The following NKAIN2 variants were observed in gnomAD, a reference collection of about 807,000 sequenced individuals.
NKAIN2 encodes sodium/potassium-transporting ATPase subunit beta-1-interacting protein 2.
A neutral mutation model predicts 32.6 loss-of-function variants in NKAIN2; 14 were observed. The observed-to-expected ratio is 0.43, with a 90% CI of 0.28 to 0.67. NKAIN2 has a LOEUF of 0.67. NKAIN2 is among the 30% of genes least tolerant of loss of function. The pLI, the probability that NKAIN2 is intolerant of heterozygous loss-of-function variation, is 0.17. For missense variants in NKAIN2, 198 were observed against 258.3 expected (o/e 0.77, Z 1.60); for synonymous variants, 80 against 87.2 (o/e 0.92, Z 0.46).
At chr6:124,467,627 C>A (rs1776814486) in intron 3 of NKAIN2, among the ~76,000 whole-genome samples, 1 of 152,056 alleles carries the variant, frequency 6.6e-6, no homozygotes, top group Non-Finnish European at 1.5e-5. Flanking sequence ...AATGATCATT[C>A]ATCGAAAGTT....
chr6:124,405,746 G>C (rs1223436715), intron 3 of NKAIN2, among the ~76,000 whole-genome samples: 1 of 151,836 alleles, frequency 6.6e-6, no homozygotes, highest in Non-Finnish European at 1.5e-5. Context: ...GAAAGAGTGT[G>C]ATATCCCCCC....
intron 1 of NKAIN2, among the ~76,000 whole-genome samples, chr6:123,985,537 T>C (rs1039224264): frequency 1.3e-5 from 2 of 152,188 alleles, no homozygotes; most frequent in Non-Finnish European, 2.9e-5. Context: ...AAACACAATA[T>C]ATATGCAATT....
intron 1 of NKAIN2, among the ~76,000 whole-genome samples, chr6:123,811,813 C>A (rs927280894): frequency 2.6e-5 from 4 of 151,892 alleles, no homozygotes; most frequent in Admixed American, 2.6e-4. Flanking sequence ...TTTTTTTCTT[C>A]ACCCACCCAT....
intron 3 of NKAIN2, among the ~76,000 whole-genome samples, chr6:124,643,179 C>A (rs887991659): frequency 1.3e-5 from 2 of 152,110 alleles, no homozygotes; most frequent in Admixed American, 1.3e-4. Context: ...GATCAAAAAC[C>A]TTTCAATAAG....
intron 1 of NKAIN2, among the ~76,000 whole-genome samples, chr6:124,233,700 T>G (rs1465896219): frequency 6.6e-6 from 1 of 152,196 alleles, no homozygotes; most frequent in African/African-American, 2.4e-5. Context: ...CTTTGTAATA[T>G]GTGACTCATT....
At chr6:124,332,825 A>G (rs1797718780) in intron 2 of NKAIN2, among the ~76,000 whole-genome samples, 1 of 152,218 alleles carries the variant, frequency 6.6e-6, no homozygotes, top group Non-Finnish European at 1.5e-5. Flanking sequence ...TTATATGAGA[A>G]AAGTATACTT....
intron 4 of NKAIN2, among the ~76,000 whole-genome samples, chr6:124,704,305 T>C (rs966565711): frequency 2.6e-5 from 4 of 151,952 alleles, no homozygotes; most frequent in African/African-American, 9.6e-5. Flanking sequence ...CAAAAGACTA[T>C]AGAAAGAAGA....
chr6:123,915,472 A>G (rs1029757622), intron 1 of NKAIN2, among the ~76,000 whole-genome samples: 3 of 152,050 alleles, frequency 2.0e-5, no homozygotes, highest in East Asian at 1.9e-4. Context: ...TCTAACTTTG[A>G]TATTGCCTAT....
intron 1 of NKAIN2, among the ~76,000 whole-genome samples, chr6:124,092,839 C>A (rs2114931518): frequency 6.6e-6 from 1 of 152,128 alleles, no homozygotes; most frequent in South Asian, 2.1e-4. Flanking sequence ...TAGGGCTGAT[C>A]TCAGTAGATA....
intron 3 of NKAIN2, among the ~76,000 whole-genome samples, chr6:124,509,514 C>T (rs1266010203): frequency 3.3e-5 from 5 of 152,128 alleles, no homozygotes; most frequent in Non-Finnish European, 5.9e-5. Context: ...GCTAGTTAGA[C>T]GTCTTTATTT....
chr6:124,118,802 G>A (rs1249002967), intron 1 of NKAIN2, among the ~76,000 whole-genome samples: 4 of 152,072 alleles, frequency 2.6e-5, no homozygotes, highest in East Asian at 3.9e-4. Context: ...TGTACAGGCC[G>A]GAGTAAATAT....
chr6:123,810,426 A>T (rs1318407327), intron 1 of NKAIN2, among the ~76,000 whole-genome samples: 1 of 152,088 alleles, frequency 6.6e-6, no homozygotes, highest in Non-Finnish European at 1.5e-5. Flanking sequence ...TCCTGTCCAA[A>T]CCTGACCGAC....
chr6:124,578,724 G>A (rs548580431), intron 3 of NKAIN2, among the ~76,000 whole-genome samples: 2 of 152,090 alleles, frequency 1.3e-5, no homozygotes, highest in East Asian at 2.0e-4. Flanking sequence ...TTGAGTGAAC[G>A]TAAGTGGTAG....
intron 3 of NKAIN2, among the ~76,000 whole-genome samples, chr6:124,554,245 G>A (rs1325594323): frequency 6.6e-6 from 1 of 152,206 alleles, no homozygotes; most frequent in Non-Finnish European, 1.5e-5. Context: ...CAGACACACT[G>A]AGAATCAATG....
intron 4 of NKAIN2, among the ~76,000 whole-genome samples, chr6:124,680,926 ACTTTT>A (rs1773592109): frequency 6.6e-6 from 1 of 151,986 alleles, no homozygotes. Context: ...TCTACTTAGT[ACTTTT>A]CTTAATATAT....
At chr6:124,288,401 A>G (rs1795657911) in intron 2 of NKAIN2, among the ~76,000 whole-genome samples, 1 of 152,220 alleles carries the variant, frequency 6.6e-6, no homozygotes, top group Admixed American at 6.5e-5. Flanking sequence ...TGTGATTTCC[A>G]GAGGATTTAG....
intron 1 of NKAIN2, among the ~76,000 whole-genome samples, chr6:124,260,043 A>C (rs1463935246): frequency 2.6e-5 from 4 of 152,200 alleles, no homozygotes; most frequent in Non-Finnish European, 4.4e-5. Context: ...AGCTAGTTAG[A>C]ATTAGAACTG....
chr6:123,880,111 C>T (rs1002120601), intron 1 of NKAIN2, among the ~76,000 whole-genome samples: 1 of 152,134 alleles, frequency 6.6e-6, no homozygotes, highest in Non-Finnish European at 1.5e-5. Flanking sequence ...AAGAGTCAGT[C>T]AGGGAGAGAA....
chr6:124,427,123 T>C (rs62436339), intron 3 of NKAIN2, among the ~76,000 whole-genome samples: 7,031 of 152,290 alleles, frequency 0.046, 280 homozygotes, highest in Non-Finnish European at 0.066. Context: ...TATGCACTTA[T>C]GTTATAACAC....
Sources: gnomAD v4.1 joint callset for allele counts (sites outside exome capture counted in the v4.1 genomes callset) on GRCh38, gnomAD v4.1.1 for gene constraint, MANE v1.5 for transcripts, NCBI Gene and HGNC (gene_info 2026-07-23, HGNC 2026-07-21) for gene names.